DLGAP2: variants seen among roughly 807,000 people sequenced by gnomAD.
DLGAP2 encodes the protein disks large-associated protein 2.
Under a neutral mutation model 100.3 loss-of-function variants are expected in DLGAP2, and 26 were observed. That is an observed-to-expected ratio of 0.26 (90% CI 0.19 to 0.36). The LOEUF (loss-of-function observed/expected upper bound fraction) is 0.36. DLGAP2 is among the 10% of genes least tolerant of loss of function. The pLI is 1.00. For missense variants in DLGAP2, 1,858 were observed against 1,453.2 expected (o/e 1.28, Z -4.53); for synonymous variants, 886 against 630.1 (o/e 1.41, Z -6.08).
intron 1 of DLGAP2, among the ~76,000 whole-genome samples, chr8:804,753 A>G (rs982816050): frequency 1.6e-4 from 24 of 152,218 alleles, no homozygotes; most frequent in African/African-American, 5.3e-4. Flanking sequence ...ACAAGTTAAT[A>G]TCACTTCTTT....
At chr8:1,182,359 C>G (rs1040352121) in intron 2 of DLGAP2, among the ~76,000 whole-genome samples, 1 of 152,250 alleles carries the variant, frequency 6.6e-6, no homozygotes, top group African/African-American at 2.4e-5. Flanking sequence ...TGCCAGGTGG[C>G]TGGACTGAGA....
chr8:1,092,973 A>T (rs1402187208), intron 2 of DLGAP2, among the ~76,000 whole-genome samples: 1 of 152,164 alleles, frequency 6.6e-6, no homozygotes, highest in Non-Finnish European at 1.5e-5. Context: ...ATTTCACCGG[A>T]TATGGGGGCT....
At position 861,678 on chromosome 8, in the gene DLGAP2, A is replaced by G. The variant is rs12545709; in HGVS notation, c.19-46234A>G. On this transcript the variant is annotated intron_variant, in intron 1 of 14. Transcript: ENST00000637795. ...GGAATAATTCAGGAAATGACGAGAA[A>G]CATATTTCACAGTGTTAGCTATGGC... Among the ~76,000 whole-genome samples, 148 of 152,370 alleles carry G rather than the reference A, an allele frequency of 9.7e-4. 1 individual carries two copies. The highest frequency in any genetic ancestry group is 3.1e-3 in the South Asian group (15 of 4,832).
At chr8:946,118 G>C (rs1194317275) in intron 2 of DLGAP2, among the ~76,000 whole-genome samples, 1 of 152,074 alleles carries the variant, frequency 6.6e-6, no homozygotes, top group East Asian at 1.9e-4. Flanking sequence ...TTGCAGGAAG[G>C]CTCTGGGAAG....
chr8:973,190 C>A (rs1391651186), intron 2 of DLGAP2, among the ~76,000 whole-genome samples: 1 of 151,552 alleles, frequency 6.6e-6, no homozygotes, highest in Non-Finnish European at 1.5e-5. Flanking sequence ...CCAGAAGGGG[C>A]GGCCGGGCAG....
At chr8:1,701,032 G>A (rs1799550926) in intron 14 of DLGAP2, among the ~76,000 whole-genome samples, 156 bp from the exon 15 acceptor site, 1 of 152,170 alleles carries the variant, frequency 6.6e-6, no homozygotes, top group South Asian at 2.1e-4. Flanking sequence ...TGGCCTGGGA[G>A]CCGGGGACCA....
intron 3 of DLGAP2, among the ~76,000 whole-genome samples, chr8:1,437,030 TCA>T (rs1489543155): frequency 1.3e-5 from 2 of 152,000 alleles, no homozygotes; most frequent in East Asian, 1.9e-4. Context: ...GGGTCTGCGT[TCA>T]GCCCAGGCGC....
intron 6 of DLGAP2, among the ~76,000 whole-genome samples, chr8:1,605,337 G>A (rs1219078861): frequency 6.6e-6 from 1 of 152,068 alleles, no homozygotes; most frequent in African/African-American, 2.4e-5. Flanking sequence ...CACTTCCGTC[G>A]CCACACAAGT....
intron 8 of DLGAP2, among the ~76,000 whole-genome samples, chr8:1,649,749 G>C (rs1021527251): frequency 3.3e-5 from 5 of 152,220 alleles, no homozygotes; most frequent in Non-Finnish European, 7.3e-5. Context: ...TATTAAGATA[G>C]AGGATCGTGC....
At chr8:1,349,986 A>G (rs1445503941) in intron 3 of DLGAP2, among the ~76,000 whole-genome samples, 1 of 152,332 alleles carries the variant, frequency 6.6e-6, no homozygotes, top group East Asian at 1.9e-4. Flanking sequence ...TTTTTCAGCA[A>G]CCAAAACAAC....
At chr8:1,054,601 A>G (rs548528718) in intron 2 of DLGAP2, among the ~76,000 whole-genome samples, 3 of 152,364 alleles carry the variant, frequency 2.0e-5, no homozygotes, top group South Asian at 4.1e-4. Flanking sequence ...AAACATGCCC[A>G]GTAATTTATC....
At chr8:821,086 T>A (rs543404190) in intron 1 of DLGAP2, among the ~76,000 whole-genome samples, 9 of 152,354 alleles carry the variant, frequency 5.9e-5, no homozygotes, top group African/African-American at 2.2e-4. Context: ...TATTTTATAA[T>A]GAATATTTCC....
At chr8:1,300,357 G>A (rs1259933937) in intron 3 of DLGAP2, 1 of 152,172 alleles carries the variant, frequency 6.6e-6, no homozygotes, top group African/African-American at 2.4e-5. Context: ...CCCTGGACTG[G>A]ATTTTACCAG....
chr8:1,469,472 C>G (rs899306630), intron 3 of DLGAP2, among the ~76,000 whole-genome samples: 1 of 152,226 alleles, frequency 6.6e-6, no homozygotes, highest in Admixed American at 6.5e-5. Flanking sequence ...ATTTCCTGTG[C>G]AGGAGAGGTT....
At chr8:763,757 A>G (rs573549428) in intron 1 of DLGAP2, among the ~76,000 whole-genome samples, 8 of 152,330 alleles carry the variant, frequency 5.3e-5, no homozygotes, top group Admixed American at 2.6e-4. Flanking sequence ...CTGAACACAC[A>G]TGAGGTGTGG....
At chr8:1,168,127 C>T (rs1318078169) in intron 2 of DLGAP2, among the ~76,000 whole-genome samples, 67 of 145,230 alleles carry the variant, frequency 4.6e-4, no homozygotes, top group African/African-American at 1.6e-3. Context: ...TGAGAATCTG[C>T]GGTGTTTGGT....
chr8:797,279 C>T (rs1425947311), intron 1 of DLGAP2, among the ~76,000 whole-genome samples: 1 of 152,166 alleles, frequency 6.6e-6, no homozygotes, highest in Non-Finnish European at 1.5e-5. Flanking sequence ...AATATTTTTC[C>T]TACTCTTAAA....
chr8:866,738 T>A (rs1482313339), intron 1 of DLGAP2, among the ~76,000 whole-genome samples: 2 of 152,192 alleles, frequency 1.3e-5, no homozygotes, highest in African/African-American at 4.8e-5. Flanking sequence ...GCTGTGAGCA[T>A]CAAAATAATA....
intron 3 of DLGAP2, among the ~76,000 whole-genome samples, chr8:1,327,088 C>T (rs1392116530): frequency 2.6e-5 from 4 of 152,248 alleles, no homozygotes; most frequent in African/African-American, 7.2e-5. Context: ...CCTGGTTCCA[C>T]GTGGCCCAGC....
Sources: gnomAD v4.1 joint callset for allele counts (sites outside exome capture counted in the v4.1 genomes callset) on GRCh38, gnomAD v4.1.1 for gene constraint, MANE v1.5 for transcripts, NCBI Gene and HGNC (gene_info 2026-07-23, HGNC 2026-07-21) for gene names.